HTR2C: variants seen among roughly 807,000 people sequenced by gnomAD.
The protein encoded by HTR2C is 5-hydroxytryptamine receptor 2C.
A neutral mutation model predicts 21.0 loss-of-function variants in HTR2C; 5 were observed. The observed-to-expected ratio is 0.24, with a 90% CI of 0.12 to 0.50. HTR2C has a LOEUF of 0.50. HTR2C is among the 20% of genes least tolerant of loss of function. The pLI, the probability that HTR2C is intolerant of heterozygous loss-of-function variation, is 0.98. For missense variants in HTR2C, 271 were observed against 371.2 expected (o/e 0.73, Z 2.22); for synonymous variants, 150 against 145.3 (o/e 1.03, Z -0.23).
chrX:114,734,398 C>G (rs2069567087), intron 4 of HTR2C, among the ~76,000 whole-genome samples: 1 of 108,888 alleles, frequency 9.2e-6, no homozygotes, highest in Admixed American at 9.8e-5. Context: ...TCTGACTCTA[C>G]ATATTGATAG....
chrX:114,876,896 CT>C (rs1351154378), intron 5 of HTR2C, among the ~76,000 whole-genome samples: 1 of 110,819 alleles, frequency 9.0e-6, no homozygotes, highest in Non-Finnish European at 1.9e-5. Context: ...AGATATTGGC[CT>C]GCAATTTTCT....
chrX:114,702,376 A>G (rs1290808424), intron 2 of HTR2C, among the ~76,000 whole-genome samples: 1 of 109,624 alleles, frequency 9.1e-6, no homozygotes, highest in African/African-American at 3.3e-5. Flanking sequence ...CAGAAACTCT[A>G]CAAGCCAGAA....
intron 1 of HTR2C, among the ~76,000 whole-genome samples, chrX:114,586,862 A>T (rs1490042074): frequency 9.0e-6 from 1 of 110,940 alleles, no homozygotes; most frequent in African/African-American, 3.3e-5. Flanking sequence ...AGATATTATT[A>T]TCCTCCATTT....
chrX:114,786,681 A>G (rs971182924), intron 4 of HTR2C, among the ~76,000 whole-genome samples: 1 of 110,890 alleles, frequency 9.0e-6, no homozygotes, highest in Non-Finnish European at 1.9e-5. Flanking sequence ...GGTATATGAA[A>G]TTGATATTTT....
chrX:114,605,514 G>T (rs1401163883), intron 1 of HTR2C, among the ~76,000 whole-genome samples: 1 of 111,134 alleles, frequency 9.0e-6, no homozygotes, highest in Non-Finnish European at 1.9e-5. Context: ...AGGGACTGAC[G>T]TGTAAAAGAA....
At chrX:114,701,243 G>A (rs1034326191) in intron 2 of HTR2C, among the ~76,000 whole-genome samples, 20 of 111,948 alleles carry the variant, frequency 1.8e-4, no homozygotes, top group African/African-American at 2.9e-4. Context: ...ATCTGAGAAC[G>A]GGCAGACTGC....
chrX:114,906,921 C>A lies in HTR2C; in HGVS notation c.883C>A (p.Arg295Ser). The change falls in exon 6 of 6, where the codon CGT becomes AGT. Residue 295 changes from arginine to serine, a missense_variant. By Grantham distance (110) the Arg-to-Ser change is moderately radical. Coordinates refer to ENST00000276198, the MANE Select transcript of HTR2C (RefSeq NM_000868.4). Reference protein sequence around the residue: ...NARRRKKKERRPRGTMQAINN... With the variant: ...NARRRKKKERSPRGTMQAINN... Reference sequence around the variant, plus strand: ...ACGCCGAAGAAAGAAGAAGGAGAGACGTCCTAGGGGCACCATGCAGGCTAT... The same window carrying A: ...ACGCCGAAGAAAGAAGAAGGAGAGAAGTCCTAGGGGCACCATGCAGGCTAT... 1 of 1,210,520 alleles carries A rather than the reference C, an allele frequency of 8.3e-7. No homozygotes were observed. Among genetic ancestry groups the A allele is most frequent in the South Asian group, 1.8e-5 (1 of 56,922 alleles).
At position 114,770,540 on chromosome X, in the gene HTR2C, G is replaced by A. The variant is rs184136126; in HGVS notation, c.349+38933G>A. On this transcript the variant is annotated intron_variant, in intron 4 of 5. Transcript: ENST00000276198. Reference sequence around the variant, plus strand: ...TTCAGTTATTGTACTTTTCAACTTCGGAATTTTTGTTCTTTTAAATATTAA... The same window carrying A: ...TTCAGTTATTGTACTTTTCAACTTCAGAATTTTTGTTCTTTTAAATATTAA... Among the ~76,000 whole-genome samples the A allele has an allele frequency of 5.4e-5, 6 of 110,688 alleles. No individual in the cohort carries two copies. In the East Asian group the frequency reaches 1.4e-3, roughly 26 times the overall value.
intron 2 of HTR2C, among the ~76,000 whole-genome samples, chrX:114,618,183 A>C (rs1347036390): frequency 8.9e-6 from 1 of 112,208 alleles, no homozygotes; most frequent in Non-Finnish European, 1.9e-5. Flanking sequence ...TATCTGCCAC[A>C]CATATTTTTC....
intron 4 of HTR2C, among the ~76,000 whole-genome samples, chrX:114,833,556 T>A (rs1424033150): frequency 9.1e-6 from 1 of 109,680 alleles, no homozygotes; most frequent in East Asian, 2.8e-4. Flanking sequence ...ATCCCCTTTA[T>A]CATTTTTTAT....
intron 4 of HTR2C, among the ~76,000 whole-genome samples, chrX:114,773,834 G>A (rs1556437821): frequency 8.9e-6 from 1 of 111,877 alleles, no homozygotes; most frequent in Non-Finnish European, 1.9e-5. Context: ...TTCTGAAACA[G>A]ATATCTAAAT....
chrX:114,661,853 G>A (rs1931001467), intron 2 of HTR2C, among the ~76,000 whole-genome samples: 1 of 111,554 alleles, frequency 9.0e-6, no homozygotes, highest in Admixed American at 9.6e-5. Flanking sequence ...CAAGTCTTAC[G>A]TTTCCTAGGT....
At chrX:114,711,682 C>T (rs1324692756) in intron 2 of HTR2C, among the ~76,000 whole-genome samples, 1 of 111,929 alleles carries the variant, frequency 8.9e-6, no homozygotes, top group Non-Finnish European at 1.9e-5. Flanking sequence ...TTAAAAATCA[C>T]TTAAGCATGC....
chrX:114,763,937 G>A (rs1322295661), intron 4 of HTR2C, among the ~76,000 whole-genome samples: 7 of 111,363 alleles, frequency 6.3e-5, no homozygotes, highest in Middle Eastern at 4.7e-3. Context: ...TTTCTTTACC[G>A]GGTAAGTTTC....
At chrX:114,739,610 CAACAATAATAATAAT>C (rs1383549625) in intron 4 of HTR2C, among the ~76,000 whole-genome samples, 2 of 111,172 alleles carry the variant, frequency 1.8e-5, no homozygotes, top group African/African-American at 6.5e-5. Context: ...ATTGGCATAA[CAACAATAATAATAAT>C]AACAATAATA....
chrX:114,893,411 A>G (rs1556483242), intron 5 of HTR2C, among the ~76,000 whole-genome samples: 2 of 111,547 alleles, frequency 1.8e-5, no homozygotes, highest in Non-Finnish European at 3.8e-5. Context: ...TCACACATAA[A>G]CTATCAGTTT....
intron 2 of HTR2C, among the ~76,000 whole-genome samples, chrX:114,649,106 GC>G (rs1408414800): frequency 9.0e-6 from 1 of 111,497 alleles, no homozygotes; most frequent in African/African-American, 3.3e-5. Context: ...TCTCCCTTTT[GC>G]CCCCAATTAT....
chrX:114,647,152 A>G lies in HTR2C; in HGVS notation c.-80+33271A>G, dbSNP rs183791080. Among the ~76,000 whole-genome samples, 34 of 111,312 alleles carry G rather than the reference A, an allele frequency of 3.1e-4. No homozygotes were observed. In the East Asian group the frequency reaches 5.7e-3, roughly 19 times the overall value. On this transcript the variant is annotated intron_variant, in intron 2 of 5. Transcript: ENST00000276198. ...GTTTCACCTAGGAGGAATGGGTTCT[A>G]AGAATCTTATTGCACAGCATGAGGA...
chrX:114,605,916 T>C (rs1369497060), intron 1 of HTR2C, among the ~76,000 whole-genome samples: 11 of 105,666 alleles, frequency 1.0e-4, no homozygotes, highest in African/African-American at 3.9e-4. Context: ...AAATAAGGGA[T>C]TGGGGCGCAG....
Sources: allele counts gnomAD v4.1 joint callset (sites outside exome capture counted in the v4.1 genomes callset), GRCh38; gene constraint gnomAD v4.1.1; transcripts MANE v1.5; gene names NCBI Gene and HGNC (gene_info 2026-07-23, HGNC 2026-07-21).